Variants in ATXN7 observed in about 807,000 individuals in gnomAD.
ATXN7 encodes the protein ataxin-7.
In ATXN7, 12 loss-of-function variants were observed where a neutral mutation model predicts 70.5. The ratio of observed to expected loss-of-function variants is 0.17; its 90% CI spans 0.11 to 0.28. The LOEUF (loss-of-function observed/expected upper bound fraction) is 0.28, where lower values mean the gene tolerates loss of function less well. ATXN7 is among the 10% of genes least tolerant of loss of function. The pLI is 1.00. For missense variants in ATXN7, 1,256 were observed against 1,131.7 expected (o/e 1.11, Z -1.58); for synonymous variants, 498 against 448.7 (o/e 1.11, Z -1.39).
At chr3:63,980,218 G>C (rs2075462753) in intron 6 of ATXN7, 51 bp downstream of exon 6, 1 of 1,605,266 alleles carries the variant, frequency 6.2e-7, no homozygotes, top group African/African-American at 1.3e-5. Flanking sequence ...AAATGAAACT[G>C]TGTACACTAG....
rs577885120 is a variant in ATXN7, at chr3:63,928,841, G to A, written c.394+15616G>A. On this transcript the variant is annotated intron_variant, in intron 4 of 12. Coordinates refer to ENST00000674280, the MANE Select transcript of ATXN7 (RefSeq NM_001377405.1). ...TTGGTAAATGAGTAAAGCATCAGGC[G>A]CACTCCAGAGAGCAGTTTAAAATCA... Among the ~76,000 whole-genome samples, 160 of 152,290 alleles carry A rather than the reference G, an allele frequency of 1.1e-3. 8 individuals carry two copies. In the South Asian group the frequency reaches 0.032, roughly 30 times the overall value.
At chr3:63,911,385 T>TTA (rs1416457782) in intron 2 of ATXN7, 1 of 152,152 alleles carries the variant, frequency 6.6e-6, no homozygotes, top group Non-Finnish European at 1.5e-5. Context: ...CTTAATTTAG[T>TTA]GAACAAAATT....
At chr3:63,922,900 T>G (rs549927667) in intron 4 of ATXN7, among the ~76,000 whole-genome samples, 20 of 152,220 alleles carry the variant, frequency 1.3e-4, no homozygotes, top group Non-Finnish European at 2.4e-4. Context: ...GCCATCATTC[T>G]GTGTAATCCC....
chr3:63,941,683 C>T (rs2074771415), intron 4 of ATXN7, among the ~76,000 whole-genome samples: 1 of 151,850 alleles, frequency 6.6e-6, no homozygotes, highest in Admixed American at 6.6e-5. Flanking sequence ...AGGGCCAGAC[C>T]TCATACATTT....
intron 2 of ATXN7, chr3:63,911,793 G>A (rs1704022830): frequency 6.6e-6 from 1 of 152,364 alleles, no homozygotes; most frequent in East Asian, 1.9e-4. Flanking sequence ...ACACCTGGGA[G>A]GCACTTCCCC....
At chr3:63,893,721 G>A (rs1282106289) in intron 1 of ATXN7, among the ~76,000 whole-genome samples, 2 of 152,196 alleles carry the variant, frequency 1.3e-5, no homozygotes, top group Non-Finnish European at 2.9e-5. Flanking sequence ...CTCTCCACTT[G>A]TGTGTTTTCA....
At chr3:63,880,252 A>G (rs772619962) in intron 1 of ATXN7, among the ~76,000 whole-genome samples, 1 of 152,188 alleles carries the variant, frequency 6.6e-6, no homozygotes, top group African/African-American at 2.4e-5. Flanking sequence ...GTGCTTTAAT[A>G]AAAGCATCAG....
At chr3:63,968,155 G>A (rs924659275) in intron 5 of ATXN7, among the ~76,000 whole-genome samples, 5 of 152,096 alleles carry the variant, frequency 3.3e-5, no homozygotes, top group Non-Finnish European at 5.9e-5. Flanking sequence ...AGGCCAGGAG[G>A]GTTCTGCTGC....
intron 6 of ATXN7, among the ~76,000 whole-genome samples, chr3:63,981,738 C>T (rs1206151061): frequency 6.6e-5 from 10 of 152,172 alleles, no homozygotes; most frequent in Non-Finnish European, 1.2e-4. Context: ...TCTTTAGTGA[C>T]ATTTATTGGA....
chr3:63,961,626 T>C (rs1423511778), intron 5 of ATXN7, among the ~76,000 whole-genome samples: 1 of 152,090 alleles, frequency 6.6e-6, no homozygotes. Context: ...GATCAAAACA[T>C]TACACTGTAC....
At chr3:63,934,140 T>C (rs369093459) in intron 4 of ATXN7, among the ~76,000 whole-genome samples, 3 of 152,182 alleles carry the variant, frequency 2.0e-5, no homozygotes, top group South Asian at 4.1e-4. Flanking sequence ...CAAAGACTAA[T>C]TCCTCCAGGA....
At chr3:63,888,454 C>T (rs1266695636) in intron 1 of ATXN7, among the ~76,000 whole-genome samples, 1 of 152,038 alleles carries the variant, frequency 6.6e-6, no homozygotes, top group East Asian at 1.9e-4. Context: ...GTAATCACTA[C>T]CACAATCAAG....
chr3:63,972,847 G>C (rs532722432), intron 5 of ATXN7, among the ~76,000 whole-genome samples: 1 of 152,198 alleles, frequency 6.6e-6, no homozygotes, highest in African/African-American at 2.4e-5. Flanking sequence ...AAGAGGGTTT[G>C]ATTTGTTCTT....
intron 4 of ATXN7, among the ~76,000 whole-genome samples, chr3:63,922,586 C>T (rs1451235783): frequency 1.3e-5 from 2 of 151,932 alleles, no homozygotes; most frequent in Non-Finnish European, 2.9e-5. Context: ...AAATTATAGG[C>T]AATGTAATAA....
At position 63,988,128 on chromosome 3, in the gene ATXN7, C is replaced by A; in HGVS notation, c.1165C>A (p.His389Asn). ...ACGATTTGATGTGTTATTAGCCGAGCACAAAAACAAAACCAGGGAAAAGGA... is the reference window on the plus strand; with the variant it reads ...ACGATTTGATGTGTTATTAGCCGAGAACAAAAACAAAACCAGGGAAAAGGA... ...RKRFDVLLAE[H>N]KNKTREKELI... The change falls in exon 9 of 13, where the codon CAC (histidine) becomes AAC (asparagine). Residue 389 changes from histidine (H) to asparagine (N), a missense_variant. His to Asn is a moderately conservative substitution (Grantham distance 68). Transcript: ENST00000674280. 1 of 1,614,034 alleles carries A rather than the reference C, an allele frequency of 6.2e-7. No individual in the cohort carries two copies.
chr3:63,933,746 G>A (rs910118990), intron 4 of ATXN7, among the ~76,000 whole-genome samples: 4 of 152,118 alleles, frequency 2.6e-5, no homozygotes, highest in Admixed American at 1.3e-4. Flanking sequence ...CAATTAAGTG[G>A]TATTCTCTAC....
At chr3:63,866,531 T>C (rs940339550) in intron 1 of ATXN7, among the ~76,000 whole-genome samples, 12 of 152,312 alleles carry the variant, frequency 7.9e-5, no homozygotes, top group African/African-American at 2.6e-4. Context: ...GCTGGGATTA[T>C]GGGTTTGAGC....
intron 4 of ATXN7, among the ~76,000 whole-genome samples, chr3:63,919,137 A>G (rs1704405812): frequency 6.6e-6 from 1 of 152,204 alleles, no homozygotes; most frequent in Non-Finnish European, 1.5e-5. Context: ...TAAAAACTCA[A>G]AAGATTTCAT....
In ATXN7 at chr3:63,995,607, A is replaced by G. The variant is rs61736569; in HGVS notation, c.1785A>G (p.Ala595=). ...PTSQCGVSYL[A]AATVSTSPVL... is the part of the protein sequence containing the mutation. ...CACAATGTGGAGTCAGCTATCTGGC[A>G]GCAGCCACCGTCTCTACATCCCCAG... Residue 595 remains alanine (A), a synonymous_variant, in exon 12 of 13, where the codon GCA becomes GCG. Coordinates refer to ENST00000674280, the MANE Select transcript of ATXN7 (RefSeq NM_001377405.1). 7.5e-4 allele frequency: 1,211 copies of G among 1,614,186 alleles called. 9 individuals are homozygous for G. The African/African-American group carries it at 0.015, about 20-fold the overall frequency.
Sources: gnomAD v4.1 joint callset for allele counts (sites outside exome capture counted in the v4.1 genomes callset) on GRCh38, gnomAD v4.1.1 for gene constraint, MANE v1.5 for transcripts, NCBI Gene and HGNC (gene_info 2026-07-23, HGNC 2026-07-21) for gene names.